ASB5: variants seen among roughly 807,000 people sequenced by gnomAD.
ASB5 encodes ankyrin repeat and SOCS box containing 5, also known as ankyrin repeat and SOCS box protein 5.
ASB5 carries 45 observed loss-of-function variants against 42.1 expected under a neutral mutation model. The observed-to-expected ratio is 1.07, with a 90% CI of 0.84 to 1.37. The LOEUF (loss-of-function observed/expected upper bound fraction) is 1.37. Among genes scored for constraint, ASB5 ranks in the 40% most tolerant of loss-of-function variants. The pLI, the probability that ASB5 is intolerant of heterozygous loss-of-function variation, is 0.00. For missense variants in ASB5, 402 were observed against 399.8 expected, an observed-to-expected ratio of 1.01 and a Z score of -0.05; for synonymous variants, 147 against 150.6, an observed-to-expected ratio of 0.98 and a Z score of 0.18.
chr4:176,251,023 A>C (rs1754021439), intron 1 of ASB5, among the ~76,000 whole-genome samples: 1 of 152,054 alleles, frequency 6.6e-6, no homozygotes, highest in Non-Finnish European at 1.5e-5. Context: ...TAAAATCAAC[A>C]ATCTGTGTTC....
rs184442602 is a variant in ASB5, at chr4:176,243,138, C to T, written c.197-17797G>A. 2.0e-5 allele frequency among the ~76,000 whole-genome samples: 3 copies of T among 152,228 alleles called. No individual in the cohort carries two copies. In the East Asian group the frequency reaches 5.8e-4, roughly 29 times the overall value. On this transcript the variant is annotated intron_variant, in intron 1 of 6. Coordinates refer to ENST00000296525, the MANE Select transcript of ASB5 (RefSeq NM_080874.4). ...TTAATCTTTTACAGGAAAAGTGTGC[C>T]AACCTCTGGACTTTATAATATTAGT... is the stretch of plus-strand genomic sequence containing the variant.
At chr4:176,225,453 C>T (rs908834254) in intron 1 of ASB5, 112 bp from the exon 2 acceptor site, 1 of 902,672 alleles carries the variant, frequency 1.1e-6, no homozygotes. Flanking sequence ...ACTCAGTGTT[C>T]AACAGGGTGA....
At chr4:176,241,420 C>T (rs1024643055) in intron 1 of ASB5, 4 of 1,476,062 alleles carry the variant, frequency 2.7e-6, no homozygotes, top group Non-Finnish European at 3.6e-6. Flanking sequence ...AAAATAAAAC[C>T]TCCTTAAATC....
chr4:176,237,435 T>A, intron 1 of ASB5: 1 of 985,918 alleles, frequency 1.0e-6, no homozygotes, highest in Non-Finnish European at 1.2e-6. Flanking sequence ...TTGACGTTTT[T>A]TGTCTGTGAC....
chr4:176,228,701 T>A (rs980888833), intron 1 of ASB5, among the ~76,000 whole-genome samples: 2 of 152,182 alleles, frequency 1.3e-5, no homozygotes, highest in African/African-American at 4.8e-5. Flanking sequence ...GCAAATATTT[T>A]TTGGTAGGAC....
At chr4:176,265,091 C>A (rs1015574930) in intron 1 of ASB5, among the ~76,000 whole-genome samples, 4 of 151,960 alleles carry the variant, frequency 2.6e-5, no homozygotes, top group African/African-American at 9.7e-5. Flanking sequence ...ATTTTCCCAC[C>A]TTCTTTCATA....
intron 5 of ASB5, among the ~76,000 whole-genome samples, chr4:176,218,059 G>A (rs1471457260): frequency 6.7e-6 from 1 of 149,518 alleles, no homozygotes; most frequent in Non-Finnish European, 1.5e-5. Flanking sequence ...TGTTGGTTAT[G>A]TCAATTTTAT....
chr4:176,217,079 A>C (rs1044705415), intron 5 of ASB5, 70 bp from the exon 6 acceptor site: 3 of 1,325,886 alleles, frequency 2.3e-6, no homozygotes, highest in Admixed American at 2.3e-5. Context: ...CTCAGTGGGG[A>C]TAGAAAAGGA....
intron 1 of ASB5, among the ~76,000 whole-genome samples, chr4:176,254,501 T>C (rs1184955585): frequency 1.3e-5 from 2 of 150,608 alleles, no homozygotes; most frequent in Non-Finnish European, 2.9e-5. Flanking sequence ...ATCAGCCTTA[T>C]GAAAGACTTT....
chr4:176,243,696 G>A (rs1753855402), intron 1 of ASB5, among the ~76,000 whole-genome samples: 1 of 151,942 alleles, frequency 6.6e-6, no homozygotes, highest in Non-Finnish European at 1.5e-5. Context: ...TAGAAACGGG[G>A]TTTCACCATG....
chr4:176,255,432 T>A (rs962309195), intron 1 of ASB5, among the ~76,000 whole-genome samples: 1 of 152,248 alleles, frequency 6.6e-6, no homozygotes, highest in Non-Finnish European at 1.5e-5. Flanking sequence ...ACAGCACTAT[T>A]CACAAGAGTA....
At chr4:176,245,724 A>T (rs1753898385) in intron 1 of ASB5, among the ~76,000 whole-genome samples, 1 of 152,226 alleles carries the variant, frequency 6.6e-6, no homozygotes, top group Non-Finnish European at 1.5e-5. Context: ...GCCATAAAAA[A>T]GGATGAGTTC....
At chr4:176,275,493 C>T (rs761243539) in intron 2 of ASB5, among the ~76,000 whole-genome samples, 3 of 152,132 alleles carry the variant, frequency 2.0e-5, no homozygotes, top group Non-Finnish European at 2.9e-5. Context: ...AAATTTAATA[C>T]TTTTTATATA....
At chr4:176,244,089 C>T (rs1217061051) in intron 1 of ASB5, among the ~76,000 whole-genome samples, 1 of 152,060 alleles carries the variant, frequency 6.6e-6, no homozygotes, top group African/African-American at 2.4e-5. Context: ...TTTGACTCAC[C>T]ATTTCTATGT....
At chr4:176,219,444 T>A (rs1450960026) in intron 5 of ASB5, among the ~76,000 whole-genome samples, 7 of 68,362 alleles carry the variant, frequency 1.0e-4, no homozygotes. Context: ...ATATATATAT[T>A]TGTATGATAT....
At chr4:176,223,907 T>G (rs1165977697) in intron 2 of ASB5, among the ~76,000 whole-genome samples, 1 of 152,144 alleles carries the variant, frequency 6.6e-6, no homozygotes, top group Non-Finnish European at 1.5e-5. Flanking sequence ...GGAATTACCC[T>G]TTAGAATTTG....
At chr4:176,255,102 C>T (rs552972928) in intron 1 of ASB5, among the ~76,000 whole-genome samples, 12 of 152,282 alleles carry the variant, frequency 7.9e-5, no homozygotes, top group African/African-American at 2.9e-4. Context: ...TGCACTCCAG[C>T]CTGGGTGGCA....
upstream of ASB5, among the ~76,000 whole-genome samples, chr4:176,272,025 A>T (rs1189877370): frequency 5.9e-5 from 9 of 152,174 alleles, no homozygotes. Flanking sequence ...ATATGTAATC[A>T]GGAACCTAAA....
At chr4:176,257,071 C>G (rs1390040417) in intron 1 of ASB5, among the ~76,000 whole-genome samples, 1 of 151,998 alleles carries the variant, frequency 6.6e-6, no homozygotes, top group Non-Finnish European at 1.5e-5. Flanking sequence ...TATCAGCTGC[C>G]AGAGATTATG....
Sources: allele counts gnomAD v4.1 joint callset (sites outside exome capture counted in the v4.1 genomes callset), GRCh38; gene constraint gnomAD v4.1.1; transcripts MANE v1.5; gene names NCBI Gene and HGNC (gene_info 2026-07-23, HGNC 2026-07-21).